The following ADGRL3 variants were observed in gnomAD, a reference collection of about 807,000 sequenced individuals.
ADGRL3 encodes calcium-independent alpha-latrotoxin receptor 3.
In ADGRL3, 62 loss-of-function variants were observed where a neutral mutation model predicts 153.5. The ratio of observed to expected loss-of-function variants is 0.40; its 90% CI spans 0.33 to 0.50. ADGRL3 has a LOEUF of 0.50. Ranked by LOEUF, ADGRL3 falls within the 20% of genes least tolerant of loss-of-function variation. The probability of loss-of-function intolerance (pLI) is 0.47; values close to 1 mark genes in which losing one functional copy is unlikely to be tolerated. For missense variants in ADGRL3, 1,641 were observed against 1,859.4 expected (o/e 0.88, Z 2.16); for synonymous variants, 710 against 672.5 (o/e 1.06, Z -0.86).
rs1271460468 is a variant in ADGRL3 at position 61,983,406 on chromosome 4, C to G, written c.3039C>G (p.Ala1013=). Residue 1013 remains alanine, a synonymous_variant, in exon 19 of 27, where the codon GCC becomes GCG. Coordinates refer to ENST00000683033, the MANE Select transcript of ADGRL3 (RefSeq NM_001387552.1). The stretch of plus-strand genomic sequence containing the variant: ...AGATTGCCTGTGCTGTTTTCGCTGC[C>G]CTGTTACATTTCTTCTTCTTGGCTG... ...DQPIACAVFA[A]LLHFFFLAAF... 2 of 1,613,640 alleles carry G rather than the reference C, an allele frequency of 1.2e-6. No homozygotes were observed. Among genetic ancestry groups the G allele is most frequent in the East Asian group, 2.2e-5 (1 of 44,860 alleles).
intron 1 of ADGRL3, among the ~76,000 whole-genome samples, chr4:61,217,382 C>G (rs998742603): frequency 3.9e-5 from 6 of 152,138 alleles, no homozygotes; most frequent in Admixed American, 2.0e-4. Flanking sequence ...GTGCTCTCTT[C>G]ACTTTCTGTC....
chr4:61,378,524 C>A (rs1007859922), intron 1 of ADGRL3, among the ~76,000 whole-genome samples: 1 of 151,954 alleles, frequency 6.6e-6, no homozygotes, highest in Non-Finnish European at 1.5e-5. Flanking sequence ...GATGAGACTT[C>A]AGCACAGTGT....
intron 4 of ADGRL3, among the ~76,000 whole-genome samples, chr4:61,544,086 T>A (rs1053159368): frequency 1.3e-5 from 2 of 152,200 alleles, no homozygotes; most frequent in African/African-American, 4.8e-5. Flanking sequence ...TGGATCAGTG[T>A]GAGTTTCCTT....
At position 61,497,353 on chromosome 4, in the gene ADGRL3, G is replaced by A; in HGVS notation, c.55+5G>A. ...TCTTAGCTCCAATAATTCATGGTAA[G>A]ATTTTTCAGATTTTTGTGTAATGCT... is the stretch of plus-strand genomic sequence containing the variant. On this transcript the variant is annotated splice_donor_5th_base_variant and intron_variant, in intron 3 of 26. Transcript: ENST00000683033. 6.3e-7 allele frequency: 1 copy of A among 1,591,680 alleles called. No homozygotes were observed. The highest frequency in any genetic ancestry group is 8.6e-7 in the Non-Finnish European group (1 of 1,167,780).
intron 3 of ADGRL3, 69 bp downstream of exon 3, chr4:61,497,417 G>A (rs374166291): frequency 1.4e-4 from 138 of 957,380 alleles, no homozygotes; most frequent in Non-Finnish European, 2.1e-4. Flanking sequence ...CACTTCCTTG[G>A]GATCTTTTCT....
At chr4:61,676,196 G>A (rs1022963726) in intron 5 of ADGRL3, among the ~76,000 whole-genome samples, 5 of 151,604 alleles carry the variant, frequency 3.3e-5, no homozygotes, top group East Asian at 1.9e-4. Context: ...AGTAATCCAC[G>A]AGGATTGTAT....
chr4:61,482,801 G>A (rs2098144957), intron 2 of ADGRL3, among the ~76,000 whole-genome samples: 1 of 152,102 alleles, frequency 6.6e-6, no homozygotes, highest in African/African-American at 2.4e-5. Flanking sequence ...GTTTTGGAAA[G>A]CCACTTTCAT....
At chr4:61,758,711 A>G (rs1291701130) in intron 8 of ADGRL3, among the ~76,000 whole-genome samples, 3 of 152,084 alleles carry the variant, frequency 2.0e-5, no homozygotes, top group East Asian at 3.9e-4. Flanking sequence ...TGTGAATTTG[A>G]TCTTGTCATT....
At chr4:61,675,460 G>A (rs1416351563) in intron 5 of ADGRL3, among the ~76,000 whole-genome samples, 1 of 151,704 alleles carries the variant, frequency 6.6e-6, no homozygotes, top group African/African-American at 2.4e-5. Context: ...AATTTAGAAC[G>A]TTTCTGAGTG....
chr4:61,811,342 T>C (rs1473682463), intron 8 of ADGRL3, among the ~76,000 whole-genome samples: 1 of 152,054 alleles, frequency 6.6e-6, no homozygotes, highest in Non-Finnish European at 1.5e-5. Context: ...GGATGAGTTT[T>C]TTTTTAATTA....
At chr4:61,757,835 G>T (rs904613275) in intron 8 of ADGRL3, among the ~76,000 whole-genome samples, 1 of 152,064 alleles carries the variant, frequency 6.6e-6, no homozygotes, top group African/African-American at 2.4e-5. Flanking sequence ...TTTTCTCGTT[G>T]ATTTCAAAGA....
In ADGRL3 at chr4:61,856,948, T is replaced by TTCTC. The variant is rs1554048263; in HGVS notation, c.1481-35706_1481-35703dup. 4.8e-3 allele frequency among the ~76,000 whole-genome samples: 427 copies of TTCTC among 88,202 alleles called. 5 individuals are homozygous for TTCTC. Among genetic ancestry groups the TTCTC allele is most frequent in the African/African-American group, 0.017 (409 of 24,444 alleles). The allele number at this position is 88,202 out of a possible 152,430, so 57.9% of individuals were successfully genotyped here. ...CGCCCTCCCTCCTCCCTCTTTCTTC[T>TTCTC]TCTCTTTCTTTCTTTCTTTCTTTCT... is the stretch of plus-strand genomic sequence containing the variant. On this transcript the variant is annotated intron_variant, in intron 9 of 26. Coordinates refer to ENST00000683033, the MANE Select transcript of ADGRL3 (RefSeq NM_001387552.1).
intron 2 of ADGRL3, among the ~76,000 whole-genome samples, chr4:61,426,344 TA>T (rs2097280398): frequency 1.3e-5 from 2 of 152,142 alleles, no homozygotes; most frequent in Non-Finnish European, 2.9e-5. Flanking sequence ...CCACACCTGA[TA>T]ACAAATCATA....
chr4:61,367,246 T>G (rs960849014), intron 1 of ADGRL3, among the ~76,000 whole-genome samples: 5 of 152,056 alleles, frequency 3.3e-5, no homozygotes, highest in African/African-American at 1.2e-4. Context: ...TTTATTTTTT[T>G]ATTATTATAC....
chr4:61,936,813 C>CACACACACACAG (rs939964108), intron 15 of ADGRL3, among the ~76,000 whole-genome samples: 24 of 150,856 alleles, frequency 1.6e-4, no homozygotes, highest in East Asian at 1.4e-3. Flanking sequence ...CACACACACA[C>CACACACACACAG]AGAGATATAT....
chr4:61,805,961 A>G (rs908326076), intron 8 of ADGRL3, among the ~76,000 whole-genome samples: 3 of 152,218 alleles, frequency 2.0e-5, no homozygotes, highest in African/African-American at 7.2e-5. Context: ...AGTTGCATAT[A>G]AATTTAACTT....
intron 5 of ADGRL3, among the ~76,000 whole-genome samples, chr4:61,634,965 C>T (rs1437314046): frequency 6.6e-6 from 1 of 152,126 alleles, no homozygotes; most frequent in African/African-American, 2.4e-5. Context: ...CTTTTCCATT[C>T]ATCTTCACTG....
intron 5 of ADGRL3, among the ~76,000 whole-genome samples, chr4:61,644,750 A>T (rs1224273997): frequency 6.6e-6 from 1 of 152,166 alleles, no homozygotes; most frequent in Non-Finnish European, 1.5e-5. Flanking sequence ...TGCTGAAAAA[A>T]TGTATATTCT....
chr4:61,584,261 A>G (rs1221611537), intron 4 of ADGRL3, among the ~76,000 whole-genome samples: 1 of 151,998 alleles, frequency 6.6e-6, no homozygotes, highest in Non-Finnish European at 1.5e-5. Flanking sequence ...TGGGTTACTG[A>G]TGATATAAAT....
Sources: allele counts gnomAD v4.1 joint callset (sites outside exome capture counted in the v4.1 genomes callset), GRCh38; gene constraint gnomAD v4.1.1; transcripts MANE v1.5; gene names NCBI Gene and HGNC (gene_info 2026-07-23, HGNC 2026-07-21).